PTPN13: variants seen among roughly 807,000 people sequenced by gnomAD.
PTPN13 encodes the protein tyrosine-protein phosphatase non-receptor type 13.
PTPN13 carries 191 observed loss-of-function variants against 284.0 expected under a neutral mutation model. The observed-to-expected ratio is 0.67, with a 90% confidence interval of 0.60 to 0.76. PTPN13 has a LOEUF of 0.76. PTPN13 is among the 30% of genes least tolerant of loss of function. The pLI is 0.00. For missense variants in PTPN13, 2,797 were observed against 2,939.9 expected, an observed-to-expected ratio of 0.95 and a Z score of 1.12; for synonymous variants, 986 against 1,022.3, an observed-to-expected ratio of 0.96 and a Z score of 0.68.
At chr4:86,795,725 T>A (rs566911578) in intron 40 of PTPN13, among the ~76,000 whole-genome samples, 126 of 152,324 alleles carry the variant, frequency 8.3e-4, no homozygotes, top group African/African-American at 2.9e-3. Flanking sequence ...CAGGATGAGT[T>A]CATGTCCTTT....
At position 86,803,862 on chromosome 4, in the gene PTPN13, G is replaced by A. The variant is rs370138644; in HGVS notation, c.6654+5G>A. On this transcript the variant is annotated splice_donor_5th_base_variant and intron_variant, in intron 43 of 47. Transcript: ENST00000411767. ...ATTCCTTCTAAGGAGCTGGAGGTAA[G>A]TGGCTTCTGCCAATGATTCTCTCCC... The A allele has an allele frequency of 6.2e-7, 1 of 1,612,568 alleles. No homozygotes were observed. The highest frequency in any genetic ancestry group is 1.3e-5 in the African/African-American group (1 of 74,904).
intron 10 of PTPN13, among the ~76,000 whole-genome samples, chr4:86,725,640 C>A (rs1164980504): frequency 6.7e-6 from 1 of 149,444 alleles, no homozygotes; most frequent in Non-Finnish European, 1.5e-5. Context: ...CTGTTCATAT[C>A]CTTTGCCTGT....
At chr4:86,757,838 AT>A (rs1474676555) in intron 20 of PTPN13, among the ~76,000 whole-genome samples, 1 of 152,016 alleles carries the variant, frequency 6.6e-6, no homozygotes, top group Admixed American at 6.6e-5. Flanking sequence ...CCAGTTATAA[AT>A]TAAAATGCCA....
At position 86,770,125 on chromosome 4, in the gene PTPN13, A is replaced by T. The variant is rs578113005; in HGVS notation, c.4729A>T (p.Thr1577Ser). 4 of 1,613,644 alleles carry T rather than the reference A, an allele frequency of 2.5e-6. No homozygotes were observed. Among genetic ancestry groups the T allele is most frequent in the Non-Finnish European group, 3.4e-6 (4 of 1,179,780 alleles). ...GGAAGTCATATCTGCTCTCAGGGGA[A>T]CTGCTCCAGAAGTATTCTTGCTTCT... ...QQEVISALRG[T>S]APEVFLLLCR... Residue 1577 changes from threonine (T) to serine (S), a missense_variant, in exon 30 of 48, where the codon ACT (threonine) becomes TCT (serine). Transcript: ENST00000411767.
At chr4:86,684,750 A>G (rs1729259379) in intron 3 of PTPN13, among the ~76,000 whole-genome samples, 1 of 152,202 alleles carries the variant, frequency 6.6e-6, no homozygotes, top group African/African-American at 2.4e-5. Flanking sequence ...TAAAGACAAG[A>G]AAATAAGATG....
At chr4:86,686,841 C>A in intron 4 of PTPN13, 66 bp downstream of exon 4, 1 of 1,098,174 alleles carries the variant, frequency 9.1e-7, no homozygotes, top group Non-Finnish European at 1.3e-6. Flanking sequence ...TATATCATAG[C>A]TCTTCCACAC....
At chr4:86,671,860 C>T (rs1441702755) in intron 2 of PTPN13, among the ~76,000 whole-genome samples, 2 of 152,144 alleles carry the variant, frequency 1.3e-5, no homozygotes, top group Non-Finnish European at 2.9e-5. Flanking sequence ...TAGTCTAAAT[C>T]GGAATCTTAA....
chr4:86,630,529 A>T (rs1441136855), intron 1 of PTPN13, among the ~76,000 whole-genome samples: 3 of 152,160 alleles, frequency 2.0e-5, no homozygotes, highest in Non-Finnish European at 4.4e-5. Flanking sequence ...CTGTGTCTCA[A>T]ACTTTTCTAT....
intron 44 of PTPN13, 150 bp from the exon 45 acceptor site, chr4:86,807,410 C>A: frequency 1.6e-6 from 1 of 611,364 alleles, no homozygotes; most frequent in Non-Finnish European, 2.8e-6. Context: ...GGCTGTGCTA[C>A]AATTTGAAAA....
intron 5 of PTPN13, chr4:86,689,619 G>C: frequency 1.4e-6 from 1 of 701,506 alleles, no homozygotes; most frequent in African/African-American, 1.7e-5. Flanking sequence ...GGATCTTCTA[G>C]GTATTTCCCA....
chr4:86,657,570 TAC>T (rs1034740041), intron 2 of PTPN13, among the ~76,000 whole-genome samples: 1 of 152,102 alleles, frequency 6.6e-6, no homozygotes, highest in Non-Finnish European at 1.5e-5. Flanking sequence ...CAGCTGACAC[TAC>T]AGAGTCTCAC....
chr4:86,630,931 G>A (rs917300378), intron 1 of PTPN13, among the ~76,000 whole-genome samples: 3 of 152,106 alleles, frequency 2.0e-5, no homozygotes, highest in Non-Finnish European at 2.9e-5. Flanking sequence ...GTCTCTGTGA[G>A]CAGTTTTAAG....
chr4:86,750,525 T>C lies in PTPN13; in HGVS notation c.2706T>C (p.Asn902=), dbSNP rs749728539. ...NLQAESVRGF[N]MGRAISTGSL... ...AAGCAGAGTCTGTTAGAGGATTTAA[T>C]ATGGGACGAGCAATCAGCACTGGCA... Residue 902 remains asparagine (N), a synonymous_variant, in exon 18 of 48, where the codon AAT becomes AAC. Coordinates refer to ENST00000411767, the MANE Select transcript of PTPN13 (RefSeq NM_080683.3). The C allele has an allele frequency of 1.1e-5, 17 of 1,613,854 alleles. No individual in the cohort carries two copies. Among genetic ancestry groups the C allele is most frequent in the Non-Finnish European group, 1.4e-5 (16 of 1,179,872 alleles).
At chr4:86,792,043 T>C (rs746589879) in intron 40 of PTPN13, among the ~76,000 whole-genome samples, 8 of 151,922 alleles carry the variant, frequency 5.3e-5, no homozygotes, top group Non-Finnish European at 1.2e-4. Context: ...AGAAGGTCGG[T>C]AATAACAAAC....
chr4:86,674,806 A>G (rs954500782), intron 3 of PTPN13, among the ~76,000 whole-genome samples: 52 of 152,154 alleles, frequency 3.4e-4, no homozygotes, highest in African/African-American at 1.1e-3. Flanking sequence ...TGTACCAGTA[A>G]TGTTTTATTA....
At chr4:86,710,971 C>T (rs559903561) in intron 7 of PTPN13, among the ~76,000 whole-genome samples, 88 of 151,902 alleles carry the variant, frequency 5.8e-4, no homozygotes, top group Non-Finnish European at 1.2e-3. Flanking sequence ...GTCTCCTAGG[C>T]TAGGTGCAGT....
chr4:86,737,991 G>C (rs1364236335), intron 15 of PTPN13, among the ~76,000 whole-genome samples: 1 of 152,168 alleles, frequency 6.6e-6, no homozygotes, highest in African/African-American at 2.4e-5. Flanking sequence ...GCCTCCCAAA[G>C]TGCTGGGATA....
intron 26 of PTPN13, among the ~76,000 whole-genome samples, chr4:86,766,147 A>G (rs988011677): frequency 6.6e-6 from 1 of 152,222 alleles, no homozygotes; most frequent in Non-Finnish European, 1.5e-5. Context: ...CACTTTTAGT[A>G]AGGACTAACT....
chr4:86,811,439 C>G (rs1350844652), intron 47 of PTPN13, among the ~76,000 whole-genome samples: 5 of 152,142 alleles, frequency 3.3e-5, no homozygotes, highest in Non-Finnish European at 5.9e-5. Context: ...CTATTTCCAA[C>G]CTGAAAAAGA....
Sources: gnomAD v4.1 joint callset for allele counts (sites outside exome capture counted in the v4.1 genomes callset) on GRCh38, gnomAD v4.1.1 for gene constraint, MANE v1.5 for transcripts, NCBI Gene and HGNC (gene_info 2026-07-23, HGNC 2026-07-21) for gene names.